LINGO2: variants seen among roughly 807,000 people sequenced by gnomAD.
LINGO2 encodes leucine rich repeat and Ig domain containing 2, also known as leucine-rich repeat and immunoglobulin-like domain-containing nogo receptor-interacting protein 2.
Under a neutral mutation model 30.6 loss-of-function variants are expected in LINGO2, and 14 were observed. That is an observed-to-expected ratio of 0.46 (90% CI 0.30 to 0.72). The LOEUF (loss-of-function observed/expected upper bound fraction) is 0.72. LINGO2 is among the 30% of genes least tolerant of loss of function. LINGO2 has a pLI of 0.07. For missense variants in LINGO2, 729 were observed against 751.7 expected, an observed-to-expected ratio of 0.97 and a Z score of 0.35; for synonymous variants, 317 against 288.5, an observed-to-expected ratio of 1.10 and a Z score of -1.00.
the LINGO2 span, among the ~76,000 whole-genome samples, chr9:28,838,608 G>T: frequency 6.6e-6 from 1 of 152,106 alleles, no homozygotes; most frequent in African/African-American, 2.4e-5. Flanking sequence ...TAATCTGGGG[G>T]TCATCTTTCA....
In LINGO2 at chr9:28,520,454, TA is replaced by T. The variant is rs150748833; in HGVS notation, c.-364-44430del. Among the ~76,000 whole-genome samples, 52 of 152,262 alleles carry T rather than the reference TA, an allele frequency of 3.4e-4. No individual in the cohort carries two copies. In the East Asian group the frequency reaches 9.6e-3, roughly 28 times the overall value. ...AGGGGCTTTCTAAAACTACCTTAGC[TA>T]AAAAAATCTCATTACTCTATTTGTC... On this transcript the variant is annotated intron_variant, in intron 1 of 5. Transcript: ENST00000379992.
chr9:28,794,060 C>T, the LINGO2 span, among the ~76,000 whole-genome samples: 1 of 152,160 alleles, frequency 6.6e-6, no homozygotes, highest in African/African-American at 2.4e-5. Flanking sequence ...AATCCCAGCA[C>T]TTTGGGAGGC....
intron 4 of LINGO2, among the ~76,000 whole-genome samples, chr9:28,119,660 C>G (rs1168473597): frequency 6.6e-6 from 1 of 152,176 alleles, no homozygotes; most frequent in Non-Finnish European, 1.5e-5. Context: ...ATGTAAGTTA[C>G]TCCCCTCTCC....
chr9:28,591,305 T>G (rs1824896849), intron 1 of LINGO2, among the ~76,000 whole-genome samples: 1 of 151,998 alleles, frequency 6.6e-6, no homozygotes, highest in South Asian at 2.1e-4. Flanking sequence ...ACTTAAAGTA[T>G]AATAAAAATA....
At chr9:28,481,642 CT>C (rs1825968897) in intron 1 of LINGO2, among the ~76,000 whole-genome samples, 1 of 151,716 alleles carries the variant, frequency 6.6e-6, no homozygotes. Context: ...TATTATTATA[CT>C]TTAAGTTTTA....
intron 4 of LINGO2, among the ~76,000 whole-genome samples, chr9:28,193,012 T>C (rs538480752): frequency 6.6e-6 from 1 of 152,272 alleles, no homozygotes; most frequent in Admixed American, 6.5e-5. Flanking sequence ...TCATAACGTA[T>C]AGTGCTGAAT....
At chr9:28,476,568 C>T (rs1168696229) in intron 1 of LINGO2, among the ~76,000 whole-genome samples, 1 of 152,208 alleles carries the variant, frequency 6.6e-6, no homozygotes, top group Non-Finnish European at 1.5e-5. Context: ...AGCCACCGCG[C>T]CCGGCCTATT....
the LINGO2 span, among the ~76,000 whole-genome samples, chr9:28,745,511 G>A: frequency 2.4e-4 from 36 of 152,130 alleles, no homozygotes; most frequent in South Asian, 1.9e-3. Flanking sequence ...CTTTACATGT[G>A]CAGTTTGTTC....
intron 2 of LINGO2, among the ~76,000 whole-genome samples, chr9:28,388,574 A>G (rs906924097): frequency 6.6e-6 from 1 of 152,202 alleles, no homozygotes; most frequent in African/African-American, 2.4e-5. Flanking sequence ...CCAAAACTTC[A>G]TATTACATGA....
At chr9:28,575,432 CA>C (rs375750884) in intron 1 of LINGO2, among the ~76,000 whole-genome samples, 4 of 149,652 alleles carry the variant, frequency 2.7e-5, no homozygotes, top group Non-Finnish European at 4.5e-5. Context: ...AAAAACAACA[CA>C]AAAAAAACCA....
chr9:27,976,203 A>T (rs1820585558), intron 5 of LINGO2, among the ~76,000 whole-genome samples: 1 of 152,144 alleles, frequency 6.6e-6, no homozygotes, highest in Admixed American at 6.6e-5. Flanking sequence ...CCACTTACTA[A>T]GTACCACATG....
the LINGO2 span, among the ~76,000 whole-genome samples, chr9:29,053,424 A>G: frequency 6.6e-6 from 1 of 152,038 alleles, no homozygotes; most frequent in African/African-American, 2.4e-5. Flanking sequence ...GGTGGGGGGA[A>G]GGGGGAGGGA....
the LINGO2 span, among the ~76,000 whole-genome samples, chr9:29,031,319 G>A: frequency 6.6e-6 from 1 of 151,986 alleles, no homozygotes; most frequent in South Asian, 2.1e-4. Context: ...TTCTCTCTCT[G>A]TCGCCCAGGC....
intron 1 of LINGO2, among the ~76,000 whole-genome samples, chr9:28,525,557 C>T (rs1820990308): frequency 6.6e-6 from 1 of 152,006 alleles, no homozygotes; most frequent in South Asian, 2.1e-4. Context: ...TAAAAGAAGC[C>T]AGTCACAAAA....
intron 1 of LINGO2, among the ~76,000 whole-genome samples, chr9:28,669,785 C>G (rs183927604): frequency 2.0e-5 from 3 of 151,988 alleles, no homozygotes; most frequent in Admixed American, 6.6e-5. Flanking sequence ...ATTTATATAC[C>G]TCTTAAATCA....
At chr9:28,744,283 A>G in the LINGO2 span, among the ~76,000 whole-genome samples, 1 of 151,914 alleles carries the variant, frequency 6.6e-6, no homozygotes, top group Admixed American at 6.6e-5. Flanking sequence ...TTATTCTTTC[A>G]GCGTACTTAT....
intron 1 of LINGO2, among the ~76,000 whole-genome samples, chr9:28,573,905 A>T (rs1269754127): frequency 6.6e-6 from 1 of 152,186 alleles, no homozygotes; most frequent in African/African-American, 2.4e-5. Flanking sequence ...AGAAATGCAC[A>T]GTATAGAAGA....
At chr9:28,243,304 A>T (rs1587310002) in intron 4 of LINGO2, among the ~76,000 whole-genome samples, 1 of 151,852 alleles carries the variant, frequency 6.6e-6, no homozygotes, top group Admixed American at 6.6e-5. Flanking sequence ...TAAAAAATAC[A>T]AAAAAATTAA....
At chr9:28,504,462 A>C (rs537766034) in intron 1 of LINGO2, among the ~76,000 whole-genome samples, 1 of 151,960 alleles carries the variant, frequency 6.6e-6, no homozygotes, top group South Asian at 2.1e-4. Context: ...GTACACACAT[A>C]AGGCTTCTAA....
Sources: gnomAD v4.1 joint callset for allele counts (sites outside exome capture counted in the v4.1 genomes callset) on GRCh38, gnomAD v4.1.1 for gene constraint, MANE v1.5 for transcripts, NCBI Gene and HGNC (gene_info 2026-07-23, HGNC 2026-07-21) for gene names.